NFIB: variants seen among roughly 807,000 people sequenced by gnomAD.
NFIB encodes nuclear factor I B.
In NFIB, 11 loss-of-function variants were observed where a neutral mutation model predicts 61.5. The ratio of observed to expected loss-of-function variants is 0.18; its 90% CI spans 0.11 to 0.30. The LOEUF (loss-of-function observed/expected upper bound fraction) is 0.30, where lower values mean the gene tolerates loss of function less well. Ranked by LOEUF, NFIB falls within the 10% of genes least tolerant of loss-of-function variation. The probability of loss-of-function intolerance (pLI) is 1.00; values close to 1 mark genes in which losing one functional copy is unlikely to be tolerated. For synonymous variants in NFIB, 260 were observed against 216.5 expected (o/e 1.20, Z -1.76); for missense variants, 471 against 608.9 (o/e 0.77, Z 2.38).
chr9:14,509,004 C>T, the NFIB span, among the ~76,000 whole-genome samples: 12 of 152,268 alleles, frequency 7.9e-5, no homozygotes, highest in Admixed American at 1.3e-4. Context: ...AAGACATAGA[C>T]GTACTGACCC....
intron 2 of NFIB, among the ~76,000 whole-genome samples, chr9:14,265,492 T>C (rs1034557805): frequency 6.6e-6 from 1 of 152,220 alleles, no homozygotes; most frequent in Admixed American, 6.5e-5. Context: ...CTGCCATCTA[T>C]AAGCCAAGAG....
chr9:14,434,160 G>A, the NFIB span, among the ~76,000 whole-genome samples: 7 of 152,172 alleles, frequency 4.6e-5, no homozygotes, highest in Admixed American at 4.6e-4. Flanking sequence ...TAATTATTTA[G>A]AGGAACAATA....
At chr9:14,147,253 G>A (rs1441285408) in intron 5 of NFIB, among the ~76,000 whole-genome samples, 2 of 152,068 alleles carry the variant, frequency 1.3e-5, no homozygotes, top group Non-Finnish European at 2.9e-5. Flanking sequence ...TTGGGGTCAA[G>A]ACAGTCCTAG....
chr9:14,171,877 T>C (rs559729671), intron 3 of NFIB, among the ~76,000 whole-genome samples: 1 of 152,098 alleles, frequency 6.6e-6, no homozygotes, highest in Non-Finnish European at 1.5e-5. Flanking sequence ...GAGAAAAGGT[T>C]AATATACTTT....
chr9:14,096,518 G>T (rs1378937531), intron 10 of NFIB: 1 of 152,184 alleles, frequency 6.6e-6, no homozygotes, highest in Admixed American at 6.5e-5. Context: ...TCACACTGCA[G>T]ATCCTGCTGC....
intron 2 of NFIB, among the ~76,000 whole-genome samples, chr9:14,235,396 G>C (rs1267933855): frequency 1.3e-5 from 2 of 152,166 alleles, no homozygotes; most frequent in Admixed American, 1.3e-4. Flanking sequence ...GAAGGCCTCA[G>C]CTTCCTTATC....
chr9:14,180,453 G>A (rs2046639074), intron 2 of NFIB, among the ~76,000 whole-genome samples: 1 of 152,182 alleles, frequency 6.6e-6, no homozygotes, highest in Non-Finnish European at 1.5e-5. Context: ...CAGGTAAGGA[G>A]GAAGAGATCA....
intron 2 of NFIB, among the ~76,000 whole-genome samples, chr9:14,304,666 G>T (rs916824695): frequency 1.3e-5 from 2 of 152,080 alleles, no homozygotes; most frequent in African/African-American, 4.8e-5. Context: ...TTTTTCTTTC[G>T]TGTTTTCCTT....
Position 14,134,907 on chromosome 9 carries a change from A to AAACAAAAAAAAAAAAAC in NFIB, c.926-9142_926-9141insGTTTTTTTTTTTTTGTT, listed in dbSNP as rs1563820757. On this transcript the variant is annotated intron_variant, in intron 6 of 10. Transcript: ENST00000380953. Reference sequence around the variant, plus strand: ...GGCGAGACTCTGTCTCAAAAAAAAAAAAAAAAAAAAAAAGGAAATTGAAGG... The same window carrying AAACAAAAAAAAAAAAAC: ...GGCGAGACTCTGTCTCAAAAAAAAAAAACAAAAAAAAAAAAACAAAAAAAAAAAAAGGAAATTGAAGG... Among the ~76,000 whole-genome samples the AAACAAAAAAAAAAAAAC allele has an allele frequency of 7.5e-4, 95 of 125,956 alleles. 3 individuals carry two copies. The highest frequency in any genetic ancestry group is 2.7e-3 in the African/African-American group (90 of 33,142). The allele number at this position is 125,956 out of a possible 152,430, so 82.6% of individuals were successfully genotyped here.
At chr9:14,234,464 C>T (rs957003687) in intron 2 of NFIB, among the ~76,000 whole-genome samples, 5 of 151,490 alleles carry the variant, frequency 3.3e-5, no homozygotes, top group African/African-American at 7.3e-5. Flanking sequence ...CCACCTTCCG[C>T]GTTCAAGCAA....
chr9:14,449,892 G>A, the NFIB span, among the ~76,000 whole-genome samples: 7 of 151,920 alleles, frequency 4.6e-5, no homozygotes, highest in African/African-American at 1.2e-4. Flanking sequence ...CCGAGATCAC[G>A]CCACTGCACT....
At chr9:14,247,525 T>C (rs1046322290) in intron 2 of NFIB, among the ~76,000 whole-genome samples, 2 of 152,208 alleles carry the variant, frequency 1.3e-5, no homozygotes, top group African/African-American at 4.8e-5. Flanking sequence ...TCTGCACTGC[T>C]CCAGGTCAGG....
intron 1 of NFIB, among the ~76,000 whole-genome samples, chr9:14,386,058 C>T (rs1341171486): frequency 6.6e-6 from 1 of 152,158 alleles, no homozygotes; most frequent in Non-Finnish European, 1.5e-5. Flanking sequence ...GCTGGAATTA[C>T]AGACATGAGC....
At position 14,378,452 on chromosome 9, in the gene NFIB, G is replaced by A. The variant is rs562807218; in HGVS notation, c.108+20072C>T. 5.3e-5 allele frequency among the ~76,000 whole-genome samples: 8 copies of A among 152,264 alleles called. No individual in the cohort carries two copies. The South Asian group carries it at 1.7e-3, about 32-fold the overall frequency. ...GCTCACTGCAACCTCCGCCTCCCGG[G>A]TTCAAGCGATTCTCCTGCCTCAGCC... is the stretch of plus-strand genomic sequence containing the variant. On this transcript the variant is annotated intron_variant, in intron 1 of 8. Coordinates refer to the NFIB transcript ENST00000380934.
At chr9:14,327,349 T>C (rs773253774) in intron 1 of NFIB, among the ~76,000 whole-genome samples, 25 of 152,226 alleles carry the variant, frequency 1.6e-4, no homozygotes, top group Non-Finnish European at 2.9e-4. Flanking sequence ...CTAGAACATG[T>C]TGATATCATT....
intron 2 of NFIB, among the ~76,000 whole-genome samples, chr9:14,218,914 C>A (rs1047753199): frequency 4.6e-5 from 7 of 152,190 alleles, no homozygotes; most frequent in African/African-American, 1.7e-4. Context: ...CTTCGAAGTA[C>A]CACATGGAGA....
At chr9:14,276,205 C>G (rs1279723657) in intron 2 of NFIB, among the ~76,000 whole-genome samples, 4 of 152,102 alleles carry the variant, frequency 2.6e-5, no homozygotes, top group Non-Finnish European at 1.5e-5. Flanking sequence ...AGTGGAAAAA[C>G]AGTTGGGGAA....
chr9:14,526,975 C>T, the NFIB span, among the ~76,000 whole-genome samples: 16 of 152,140 alleles, frequency 1.1e-4, no homozygotes, highest in African/African-American at 3.1e-4. Context: ...TCTAAGGATA[C>T]TTTTCTTTAT....
chr9:14,124,973 T>A (rs1306117087), intron 7 of NFIB, among the ~76,000 whole-genome samples: 2 of 152,194 alleles, frequency 1.3e-5, no homozygotes, highest in Non-Finnish European at 2.9e-5. Context: ...TTAGAAACAC[T>A]CTAAACTCAG....
Sources: allele counts gnomAD v4.1 joint callset (sites outside exome capture counted in the v4.1 genomes callset), GRCh38; gene constraint gnomAD v4.1.1; transcripts MANE v1.5; gene names NCBI Gene and HGNC (gene_info 2026-07-23, HGNC 2026-07-21).